DNMT1: variants seen among roughly 807,000 people sequenced by gnomAD.
The protein encoded by DNMT1 is DNA methyltransferase 1, also known as DNA (cytosine-5)-methyltransferase 1.
DNMT1 carries 24 observed loss-of-function variants against 205.3 expected under a neutral mutation model. That is an observed-to-expected ratio of 0.12 (90% CI 0.08 to 0.16). The LOEUF is 0.16. Among genes scored for constraint, DNMT1 ranks in the 10% least tolerant of loss-of-function variants. DNMT1 has a pLI of 1.00. For missense variants in DNMT1, 1,293 were observed against 2,177.7 expected, an observed-to-expected ratio of 0.59 and a Z score of 8.09; for synonymous variants, 817 against 839.8, an observed-to-expected ratio of 0.97 and a Z score of 0.47.
At chr19:10,161,083 G>T (rs939071156) in intron 13 of DNMT1, among the ~76,000 whole-genome samples, 1 of 152,070 alleles carries the variant, frequency 6.6e-6, no homozygotes, top group African/African-American at 2.4e-5. Flanking sequence ...GAGGCGGATG[G>T]ATCACGAGAT....
At position 10,168,234 on chromosome 19, in the gene DNMT1, G is replaced by C. The variant is rs993714734; in HGVS notation, c.803+96C>G. Reference sequence around the variant, plus strand: ...CCCACATAAGAGACATATGATTAGTGCCCACTGTTCCACACCAACCCGTTA... The same window carrying C: ...CCCACATAAGAGACATATGATTAGTCCCCACTGTTCCACACCAACCCGTTA... On this transcript the variant is annotated intron_variant, in intron 10 of 40. Coordinates refer to ENST00000359526, the MANE Select transcript of DNMT1 (RefSeq NM_001130823.3). 4.3e-6 allele frequency: 6 copies of C among 1,400,956 alleles called. No individual in the cohort carries two copies. The African/African-American group carries it at 8.5e-5, about 20-fold the overall frequency. The allele number at this position is 1,400,956 out of a possible 1,614,324, so 86.8% of individuals were successfully genotyped here. A position where few individuals can be genotyped will look rare whatever the true frequency, so the allele number is the denominator to read the frequency against.
At chr19:10,168,065 G>A (rs1183855597) in intron 10 of DNMT1, among the ~76,000 whole-genome samples, 3 of 152,202 alleles carry the variant, frequency 2.0e-5, no homozygotes, top group South Asian at 4.1e-4. Flanking sequence ...GGGGGTTGCA[G>A]TGAGCCAGGA....
chr19:10,175,088 C>CAT (rs1210426048), intron 7 of DNMT1, among the ~76,000 whole-genome samples: 161 of 110,332 alleles, frequency 1.5e-3, no homozygotes, highest in African/African-American at 5.5e-3. Flanking sequence ...CATACATACA[C>CAT]ACACACACAC....
chr19:10,191,337 T>G (rs1189892161), intron 1 of DNMT1, among the ~76,000 whole-genome samples: 1 of 151,472 alleles, frequency 6.6e-6, no homozygotes, highest in Non-Finnish European at 1.5e-5. Context: ...ATGTTTATTT[T>G]TCATTTAATG....
rs2089649474 is a variant in DNMT1, at chr19:10,143,864, G to C, written c.3018C>G (p.Pro1006=). The C allele has an allele frequency of 6.2e-7, 1 of 1,614,074 alleles. No individual in the cohort carries two copies. Among genetic ancestry groups the C allele is most frequent in the African/African-American group, 1.3e-5 (1 of 74,926 alleles). Residue 1006 remains proline, a synonymous_variant, in exon 29 of 41, where the codon CCC becomes CCG. Coordinates refer to ENST00000359526, the MANE Select transcript of DNMT1 (RefSeq NM_001130823.3). The part of the protein sequence containing the change: ...IKGSNLDAPE[P]YRIGRIKEIF... ...TCTCTTTGATCCGGCCAATTCGGTA[G>C]GGCTCAGGGGCATCCAGGTTGCTGC...
rs1333537251 is a variant in DNMT1, at chr19:10,159,915, G to A, written c.1097C>T (p.Pro366Leu). Residue 366 changes from proline (P) to leucine (L), a missense_variant, in exon 16 of 41, where the codon CCT (proline) becomes CTT (leucine). By Grantham distance (98) the Pro-to-Leu change is moderately conservative. Transcript: ENST00000359526. The surrounding 1 kb of genome is among the most constrained non-coding windows in gnomAD (Gnocchi z 5.0). ...CTGCCCGCACTGAATGCACTTGGGA[G>A]GGTGGGTCTGTGGGAGCAGGAACAC... The part of the protein sequence containing the change: ...AKTVMNSKTH[P>L]PKCIQCGQYL... 2 of 1,614,120 alleles carry A rather than the reference G, an allele frequency of 1.2e-6. No individual in the cohort carries two copies. The highest frequency in any genetic ancestry group is 1.7e-6 in the Non-Finnish European group (2 of 1,180,052).
At chr19:10,163,392 T>G (rs751031712) in intron 11 of DNMT1, 32 bp from the exon 12 acceptor site, 3 of 1,610,772 alleles carry the variant, frequency 1.9e-6, no homozygotes, top group African/African-American at 1.3e-5. Flanking sequence ...GGTAGAGAGA[T>G]AAAGAAGGGA....
intron 1 of DNMT1, among the ~76,000 whole-genome samples, chr19:10,188,916 G>C (rs1458779896): frequency 1.3e-5 from 2 of 152,130 alleles, no homozygotes; most frequent in East Asian, 3.9e-4. Context: ...ACCACCTTCT[G>C]CCAACACCCC....
chr19:10,134,080 G>A (rs2089428143), intron 40 of DNMT1, 137 bp downstream of exon 40: 16 of 849,876 alleles, frequency 1.9e-5, no homozygotes, highest in Non-Finnish European at 3.1e-5. Flanking sequence ...GCAGCCCCTT[G>A]AGAAAGATGG....
intron 1 of DNMT1, 145 bp from the exon 2 acceptor site, chr19:10,182,222 C>T: frequency 1.7e-5 from 14 of 801,928 alleles, no homozygotes; most frequent in Non-Finnish European, 2.9e-5. Context: ...GCTTTTGTCT[C>T]CCCGCAAGAG....
rs547495079 is a variant in DNMT1 at position 10,182,542 on chromosome 19, CAT to C, written c.81-467_81-466del. Among the ~76,000 whole-genome samples the C allele has an allele frequency of 2.5e-3, 360 of 144,404 alleles. 1 individual carries two copies. Among genetic ancestry groups the C allele is most frequent in the Non-Finnish European group, 3.6e-3 (239 of 66,468 alleles). 94.7% of individuals were successfully genotyped at this position (144,404 alleles called of 152,430 possible). On this transcript the variant is annotated intron_variant, in intron 1 of 40. Coordinates refer to ENST00000359526, the MANE Select transcript of DNMT1 (RefSeq NM_001130823.3). ...ATATATGTGTATATGTGTATATATA[CAT>C]ATGTGTATATATATATACACACACA...
At position 10,154,861 on chromosome 19, in the gene DNMT1, T is replaced by C. The variant is rs2038424579; in HGVS notation, c.1644+44A>G. 6.2e-7 allele frequency: 1 copy of C among 1,614,070 alleles called. No homozygotes were observed. The highest frequency in any genetic ancestry group is 1.3e-5 in the African/African-American group (1 of 74,914). ...AGTGTCTGCTGGTTCTGAAGGCAAG[T>C]TTCCAGTGGGAATCCCGGATGCTGA... On this transcript the variant is annotated intron_variant, in intron 20 of 40. Coordinates refer to ENST00000359526, the MANE Select transcript of DNMT1 (RefSeq NM_001130823.3). The surrounding 1 kb of genome is among the most constrained non-coding windows in gnomAD (Gnocchi z 6.3).
At chr19:10,139,979 G>T in intron 33 of DNMT1, 67 bp downstream of exon 33, 1 of 1,600,600 alleles carries the variant, frequency 6.2e-7, no homozygotes, top group South Asian at 1.1e-5. Flanking sequence ...GGGCGAAAAT[G>T]ACCACTGCTG....
chr19:10,177,888 G>A (rs184111698), intron 5 of DNMT1, among the ~76,000 whole-genome samples: 2 of 149,292 alleles, frequency 1.3e-5, no homozygotes, highest in Admixed American at 1.4e-4. Context: ...AGCCAAGATC[G>A]CGCCACTGTA....
intron 28 of DNMT1, chr19:10,144,197 C>T: frequency 1.7e-6 from 1 of 590,870 alleles, no homozygotes; most frequent in Non-Finnish European, 3.1e-6. Context: ...ACCACAAGGT[C>T]AGAAGTTCGA....
At chr19:10,158,311 C>T (rs932621816) in intron 17 of DNMT1, among the ~76,000 whole-genome samples, 12 of 152,112 alleles carry the variant, frequency 7.9e-5, no homozygotes, top group Admixed American at 5.2e-4. Context: ...TGCTGGTGGA[C>T]GCAACAGCAT....
In DNMT1 at chr19:10,154,521, G is replaced by A. The variant is rs2038415193; in HGVS notation, c.1833-42C>T. ...AGCATCTCAGAGGACTGGGACAGAG[G>A]ATGTGGGCCATGCTCTACCCTCCCC... On this transcript the variant is annotated intron_variant, in intron 21 of 40. Transcript: ENST00000359526. The surrounding 1 kb of genome is among the most constrained non-coding windows in gnomAD (Gnocchi z 6.3). 2 of 1,614,078 alleles carry A rather than the reference G, an allele frequency of 1.2e-6. No individual in the cohort carries two copies. The highest frequency in any genetic ancestry group is 1.3e-5 in the African/African-American group (1 of 75,016).
chr19:10,153,359 C>T (rs1011577491), intron 22 of DNMT1, among the ~76,000 whole-genome samples: 1 of 152,052 alleles, frequency 6.6e-6, no homozygotes, highest in Non-Finnish European at 1.5e-5. Context: ...TAGGGCTGGG[C>T]ACAGTGGCTC....
In DNMT1 at chr19:10,159,119, C is replaced by G. The variant is rs2038515355; in HGVS notation, c.1280+539G>C. Among the ~76,000 whole-genome samples the G allele has an allele frequency of 6.6e-6, 1 of 152,096 alleles. No individual in the cohort carries two copies. The highest frequency in any genetic ancestry group is 2.4e-5 in the African/African-American group (1 of 41,418). On this transcript the variant is annotated intron_variant, in intron 17 of 40. Transcript: ENST00000359526. This position sits in a 1 kb window ranked among gnomAD's most constrained non-coding sequence, Gnocchi z 5.0. ...AGTAGGCCTTCATCTGAGCGTGTGACCCTCAGGATGTGGGCAGAATGGAGG... is the reference window on the plus strand; with the variant it reads ...AGTAGGCCTTCATCTGAGCGTGTGAGCCTCAGGATGTGGGCAGAATGGAGG...
Sources: allele counts gnomAD v4.1 joint callset (sites outside exome capture counted in the v4.1 genomes callset), GRCh38; gene constraint gnomAD v4.1.1; non-coding constraint Gnocchi (gnomAD v3.1); transcripts MANE v1.5; gene names NCBI Gene and HGNC (gene_info 2026-07-23, HGNC 2026-07-21).